TUBA1A: variants seen among roughly 807,000 people sequenced by gnomAD.
TUBA1A encodes the protein tubulin alpha 1a, also known as tubulin alpha-1A chain.
A neutral mutation model predicts 34.6 loss-of-function variants in TUBA1A; 7 were observed. The ratio of observed to expected loss-of-function variants is 0.20; its 90% CI spans 0.11 to 0.38. The LOEUF (loss-of-function observed/expected upper bound fraction) is 0.38, where lower values mean the gene tolerates loss of function less well. Among genes scored for constraint, TUBA1A ranks in the 10% least tolerant of loss-of-function variants. The pLI is 1.00. For missense variants in TUBA1A, 19 were observed against 581.3 expected (o/e 0.03, Z 9.95); for synonymous variants, 193 against 210.2 (o/e 0.92, Z 0.71).
At position 49,188,311 on chromosome 12, in the gene TUBA1A, G is replaced by C. The variant is rs987061636; in HGVS notation, c.3+666C>G. 2.8e-4 allele frequency: 428 copies of C among 1,505,058 alleles called. No individual in the cohort carries two copies. Among genetic ancestry groups the C allele is most frequent in the Non-Finnish European group, 3.7e-4 (412 of 1,127,528 alleles). 93.2% of individuals were successfully genotyped at this position (1,505,058 alleles called of 1,614,324 possible). On this transcript the variant is annotated intron_variant, in intron 1 of 3. Transcript: ENST00000301071. The surrounding 1 kb of genome is among the most constrained non-coding windows in gnomAD (Gnocchi z 4.9). ...GCTCCTGACAGAAGAGGTTCAGTGA[G>C]GGCGAACCCCGCCCAGTGGCTCCAA...
Position 49,185,283 on chromosome 12 carries a change from A to G in TUBA1A, c.1083T>C (p.Thr361=), listed in dbSNP as rs1384769049. The G allele has an allele frequency of 6.2e-7, 1 of 1,614,198 alleles. No individual in the cohort carries two copies. The highest frequency in any genetic ancestry group is 1.7e-5 in the Admixed American group (1 of 60,012). The change falls in exon 4 of 4, where the codon ACT becomes ACC. Residue 361 remains threonine (T), a synonymous_variant. Transcript: ENST00000301071. ...TGGCCAGGTCTCCACCAGGCACCAC[A>G]GTGGGAGGCTGGTAGTTGATGCCAA... ...FKVGINYQPP[T]VVPGGDLAKV...
Position 49,186,850 on chromosome 12 carries a change from T to A in TUBA1A, c.4-17A>T. On this transcript the variant is annotated splice_polypyrimidine_tract_variant and intron_variant, in intron 1 of 3. Coordinates refer to ENST00000301071, the MANE Select transcript of TUBA1A (RefSeq NM_006009.4). The surrounding 1 kb of genome is among the most constrained non-coding windows in gnomAD (Gnocchi z 6.6). The stretch of plus-strand genomic sequence containing the variant: ...GCACTCACGCTGTGGGGAGGAAAAG[T>A]GAAAAAATCGTAAAATTAAGGTGTA... The A allele has an allele frequency of 6.2e-7, 1 of 1,614,070 alleles. No homozygotes were observed. The highest frequency in any genetic ancestry group is 1.7e-5 in the Admixed American group (1 of 60,014).
intron 1 of TUBA1A, chr12:49,187,230 A>C: frequency 8.9e-7 from 1 of 1,121,412 alleles, no homozygotes; most frequent in Non-Finnish European, 1.1e-6. Context: ...TTTCCTCTGA[A>C]TAGGACTTGA....
chr12:49,186,944 T>C lies in TUBA1A; in HGVS notation c.4-111A>G. On this transcript the variant is annotated intron_variant, in intron 1 of 3. Coordinates refer to ENST00000301071, the MANE Select transcript of TUBA1A (RefSeq NM_006009.4). The surrounding 1 kb of genome is among the most constrained non-coding windows in gnomAD (Gnocchi z 6.6). ...AATATACAGATATTTTTCTAAATTA[T>C]TTGAGGTCATATCCCCAGCACGATA... 2.0e-6 allele frequency: 3 copies of C among 1,527,706 alleles called. No individual in the cohort carries two copies. Among genetic ancestry groups the C allele is most frequent in the Non-Finnish European group, 2.6e-6 (3 of 1,143,300 alleles). The allele number at this position is 1,527,706 out of a possible 1,614,324, so 94.6% of individuals were successfully genotyped here. A position where few individuals can be genotyped will look rare whatever the true frequency, so the allele number is the denominator to read the frequency against.
rs1942212912 is a variant in TUBA1A at position 49,188,585 on chromosome 12, A to G, written c.3+392T>C. The G allele has an allele frequency of 6.9e-7, 1 of 1,458,488 alleles. No homozygotes were observed. The highest frequency in any genetic ancestry group is 9.0e-7 in the Non-Finnish European group (1 of 1,108,708). The allele number at this position is 1,458,488 out of a possible 1,614,324, so 90.3% of individuals were successfully genotyped here. A position where few individuals can be genotyped will look rare whatever the true frequency, so the allele number is the denominator to read the frequency against. On this transcript the variant is annotated intron_variant, in intron 1 of 3. Transcript: ENST00000301071. The surrounding 1 kb of genome is among the most constrained non-coding windows in gnomAD (Gnocchi z 4.9). ...TGCCTCCTCCTCTCCCGGTCCCCAG[A>G]GAACAACGCGAGACAGAAAGTGGCC...
Position 49,186,007 on chromosome 12 carries a change from G to A in TUBA1A, c.376-17C>T. Reference sequence around the variant, plus strand: ...CTGGTCGGCCTATAACAAAAGAGAGGAACAGAGGAAAGGTTAAGTTTTTAT... The same window carrying A: ...CTGGTCGGCCTATAACAAAAGAGAGAAACAGAGGAAAGGTTAAGTTTTTAT... On this transcript the variant is annotated splice_polypyrimidine_tract_variant and intron_variant, in intron 3 of 3. Coordinates refer to ENST00000301071, the MANE Select transcript of TUBA1A (RefSeq NM_006009.4). This position sits in a 1 kb window ranked among gnomAD's most constrained non-coding sequence, Gnocchi z 6.6. The A allele has an allele frequency of 6.2e-7, 1 of 1,613,948 alleles. No homozygotes were observed. The highest frequency in any genetic ancestry group is 1.3e-5 in the African/African-American group (1 of 74,956).
Position 49,185,199 on chromosome 12 carries a change from A to G in TUBA1A, c.1167T>C (p.Ala389=), listed in dbSNP as rs199813289. The G allele has an allele frequency of 5.0e-6, 8 of 1,614,074 alleles. No individual in the cohort carries two copies. The highest frequency in any genetic ancestry group is 1.3e-5 in the African/African-American group (1 of 74,908). Residue 389 remains alanine, a synonymous_variant, in exon 4 of 4, where the codon GCT becomes GCC. Coordinates refer to ENST00000301071, the MANE Select transcript of TUBA1A (RefSeq NM_006009.4). ...TCAGGTCAAACTTGTGGTCCAGGCGAGCCCAGGCCTCAGCAATGGCTGTGG... is the reference window on the plus strand; with the variant it reads ...TCAGGTCAAACTTGTGGTCCAGGCGGGCCCAGGCCTCAGCAATGGCTGTGG... ...SNTTAIAEAW[A]RLDHKFDLMY... is the part of the protein sequence containing the mutation.
chr12:49,186,105 C>A lies in TUBA1A; in HGVS notation c.376-115G>T. 6.6e-7 allele frequency: 1 copy of A among 1,526,152 alleles called. No homozygotes were observed. 94.5% of individuals were successfully genotyped at this position (1,526,152 alleles called of 1,614,324 possible). ...TTCCAGGACTTAGATCTTATTTTGA[C>A]AAATGCTTTTTAAAAAATTCTCATT... is the stretch of plus-strand genomic sequence containing the variant. On this transcript the variant is annotated intron_variant, in intron 3 of 3. Coordinates refer to ENST00000301071, the MANE Select transcript of TUBA1A (RefSeq NM_006009.4). This position sits in a 1 kb window ranked among gnomAD's most constrained non-coding sequence, Gnocchi z 6.6.
At position 49,188,892 on chromosome 12, in the gene TUBA1A, A is replaced by G. The variant is rs534443774; in HGVS notation, c.3+85T>C. 6.2e-7 allele frequency: 1 copy of G among 1,613,820 alleles called. No individual in the cohort carries two copies. The highest frequency in any genetic ancestry group is 2.2e-5 in the East Asian group (1 of 44,886). The stretch of plus-strand genomic sequence containing the variant: ...CACCCTCGCCCAGAGAGCTTACGAA[A>G]GAAAAGAGCTTAAAGGTTTTCCAAG... On this transcript the variant is annotated intron_variant, in intron 1 of 3. Transcript: ENST00000301071. The surrounding 1 kb of genome is among the most constrained non-coding windows in gnomAD (Gnocchi z 4.9).
Position 49,189,002 on chromosome 12 carries a change from A to G in TUBA1A, c.-23T>C, listed in dbSNP as rs1942219765. On this transcript the variant is annotated 5_prime_UTR_variant, in exon 1 of 4. Coordinates refer to ENST00000301071, the MANE Select transcript of TUBA1A (RefSeq NM_006009.4). Reference sequence around the variant, plus strand: ...CATGGTTGCTGCTTCGCGACTGCCGAGCTGATGGCGGAGACGAAGAGGAGA... The same window carrying G: ...CATGGTTGCTGCTTCGCGACTGCCGGGCTGATGGCGGAGACGAAGAGGAGA... 6.2e-7 allele frequency: 1 copy of G among 1,614,078 alleles called. No homozygotes were observed. Among genetic ancestry groups the G allele is most frequent in the South Asian group, 1.1e-5 (1 of 91,088 alleles).
Position 49,188,511 on chromosome 12 carries a change from T to G in TUBA1A, c.3+466A>C. On this transcript the variant is annotated intron_variant, in intron 1 of 3. Transcript: ENST00000301071. The surrounding 1 kb of genome is among the most constrained non-coding windows in gnomAD (Gnocchi z 4.9). ...ACCCTAGGCTGCGCTTTGTTCCCGT[T>G]CCCCCTCCCACGTCCCCCAGCTCGC... is the stretch of plus-strand genomic sequence containing the variant. 6.6e-7 allele frequency: 1 copy of G among 1,518,520 alleles called. No individual in the cohort carries two copies. Among genetic ancestry groups the G allele is most frequent in the Non-Finnish European group, 8.8e-7 (1 of 1,134,934 alleles). 94.1% of individuals were successfully genotyped at this position (1,518,520 alleles called of 1,614,324 possible). A position where few individuals can be genotyped will look rare whatever the true frequency, so the allele number is the denominator to read the frequency against.
Position 49,186,002 on chromosome 12 carries a change from G to A in TUBA1A, c.376-12C>T. Reference sequence around the variant, plus strand: ...GTGCACTGGTCGGCCTATAACAAAAGAGAGGAACAGAGGAAAGGTTAAGTT... The same window carrying A: ...GTGCACTGGTCGGCCTATAACAAAAAAGAGGAACAGAGGAAAGGTTAAGTT... On this transcript the variant is annotated splice_polypyrimidine_tract_variant and intron_variant, in intron 3 of 3. Coordinates refer to ENST00000301071, the MANE Select transcript of TUBA1A (RefSeq NM_006009.4). The surrounding 1 kb of genome is among the most constrained non-coding windows in gnomAD (Gnocchi z 6.6). 1 of 1,614,104 alleles carries A rather than the reference G, an allele frequency of 6.2e-7. No homozygotes were observed. Among genetic ancestry groups the A allele is most frequent in the Non-Finnish European group, 8.5e-7 (1 of 1,180,028 alleles).
rs965837653 is a variant in TUBA1A at position 49,186,076 on chromosome 12, C to A, written c.376-86G>T. The A allele has an allele frequency of 5.1e-6, 8 of 1,571,164 alleles. No individual in the cohort carries two copies. In the African/African-American group the frequency reaches 1.1e-4, roughly 21 times the overall value. On this transcript the variant is annotated intron_variant, in intron 3 of 3. Coordinates refer to ENST00000301071, the MANE Select transcript of TUBA1A (RefSeq NM_006009.4). The surrounding 1 kb of genome is among the most constrained non-coding windows in gnomAD (Gnocchi z 6.6). ...AGTAAATATATTTTCACTTTTCATA[C>A]ATCTTCCAGGACTTAGATCTTATTT...
intron 1 of TUBA1A, 187 bp from the exon 2 acceptor site, chr12:49,187,020 T>C: frequency 6.8e-7 from 1 of 1,462,238 alleles, no homozygotes; most frequent in Non-Finnish European, 9.0e-7. Context: ...GGGTGTGGTC[T>C]GAATAATGAT....
chr12:49,187,691 TAA>T, intron 1 of TUBA1A: 1 of 979,948 alleles, frequency 1.0e-6, no homozygotes. Context: ...CAAAAGTTCC[TAA>T]GTTAGAAACA....
rs1414588345 is a variant in TUBA1A at position 49,188,764 on chromosome 12, G to A, written c.3+213C>T. 10 of 1,519,150 alleles carry A rather than the reference G, an allele frequency of 6.6e-6. No homozygotes were observed. The highest frequency in any genetic ancestry group is 8.7e-6 in the Non-Finnish European group (10 of 1,143,276). The allele number at this position is 1,519,150 out of a possible 1,614,324, so 94.1% of individuals were successfully genotyped here. A position where few individuals can be genotyped will look rare whatever the true frequency, so the allele number is the denominator to read the frequency against. On this transcript the variant is annotated intron_variant, in intron 1 of 3. Transcript: ENST00000301071. This position sits in a 1 kb window ranked among gnomAD's most constrained non-coding sequence, Gnocchi z 4.9. The stretch of plus-strand genomic sequence containing the variant: ...CGCCTTTGTTCCTCCCCAGCGCTCT[G>A]CTGCGCCCTGGGCGCAGTACTGGCC...
Position 49,186,486 on chromosome 12 carries a change from G to A in TUBA1A, c.227-28C>T. 5 of 1,604,980 alleles carry A rather than the reference G, an allele frequency of 3.1e-6. No homozygotes were observed. The highest frequency in any genetic ancestry group is 4.2e-6 in the Non-Finnish European group (5 of 1,178,002). On this transcript the variant is annotated intron_variant, in intron 2 of 3. Coordinates refer to ENST00000301071, the MANE Select transcript of TUBA1A (RefSeq NM_006009.4). The surrounding 1 kb of genome is among the most constrained non-coding windows in gnomAD (Gnocchi z 6.6). ...GGAGAACATGATGGGGGAGGAGCAG[G>A]GGGGAGGAGGAGGAGGGACGAGGAG... is the stretch of plus-strand genomic sequence containing the variant.
Position 49,188,027 on chromosome 12 carries a change from C to G in TUBA1A, c.3+950G>C, listed in dbSNP as rs1038072395. 726 of 913,458 alleles carry G rather than the reference C, an allele frequency of 7.9e-4. No individual in the cohort carries two copies. The highest frequency in any genetic ancestry group is 7.1e-3 in the South Asian group (132 of 18,516). 56.6% of individuals were successfully genotyped at this position (913,458 alleles called of 1,614,324 possible). ...TGCAGTCCAGACAGACAGACAGACA[C>G]ACACACACACACACACACACTTCAG... is the stretch of plus-strand genomic sequence containing the variant. On this transcript the variant is annotated intron_variant, in intron 1 of 3. Transcript: ENST00000301071. The surrounding 1 kb of genome is among the most constrained non-coding windows in gnomAD (Gnocchi z 4.9).
chr12:49,185,802 G>A lies in TUBA1A; in HGVS notation c.564C>T (p.Ile188=). Residue 188 remains isoleucine (I), a synonymous_variant, in exon 4 of 4, where the codon ATC becomes ATT. Coordinates refer to ENST00000301071, the MANE Select transcript of TUBA1A (RefSeq NM_006009.4). ...STAVVEPYNS[I]LTTHTTLEHS... is the part of the protein sequence containing the mutation. ...GCTCCAGGGTGGTGTGGGTGGTGAG[G>A]ATGGAGTTGTAGGGCTCAACTACAG... The A allele has an allele frequency of 6.2e-7, 1 of 1,613,884 alleles. No homozygotes were observed. The highest frequency in any genetic ancestry group is 8.5e-7 in the Non-Finnish European group (1 of 1,180,030).
Sources: gnomAD v4.1 joint callset for allele counts on GRCh38, gnomAD v4.1.1 for gene constraint, Gnocchi (gnomAD v3.1) non-coding constraint, MANE v1.5 for transcripts, NCBI Gene and HGNC (gene_info 2026-07-23, HGNC 2026-07-21) for gene names.